The following CTNNA3 variants were observed in gnomAD, a reference collection of about 807,000 sequenced individuals.
CTNNA3 encodes the protein catenin alpha 3, also known as catenin alpha-3.
Under a neutral mutation model 95.7 loss-of-function variants are expected in CTNNA3, and 76 were observed. That is an observed-to-expected ratio of 0.79 (90% confidence interval 0.66 to 0.96). CTNNA3 has a LOEUF of 0.96. Ranked by LOEUF, CTNNA3 falls within the 40% of genes least tolerant of loss-of-function variation. The probability of loss-of-function intolerance (pLI) is 0.00; values close to 1 mark genes in which losing one functional copy is unlikely to be tolerated. For synonymous variants in CTNNA3, 431 were observed against 374.4 expected, an observed-to-expected ratio of 1.15 and a Z score of -1.74; for missense variants, 1,191 against 1,089.8, an observed-to-expected ratio of 1.09 and a Z score of -1.31.
At chr10:67,394,145 G>T (rs1382426398) in intron 5 of CTNNA3, among the ~76,000 whole-genome samples, 1 of 152,044 alleles carries the variant, frequency 6.6e-6, no homozygotes, top group Non-Finnish European at 1.5e-5. Flanking sequence ...ACTCTTTTGT[G>T]TGTGTGATAT....
intron 9 of CTNNA3, among the ~76,000 whole-genome samples, chr10:66,634,498 C>T (rs903692611): frequency 6.6e-6 from 1 of 151,188 alleles, no homozygotes; most frequent in East Asian, 1.9e-4. Context: ...TTATCAATGA[C>T]AAAATCATAC....
At chr10:67,313,431 CA>C (rs547368376) in intron 5 of CTNNA3, among the ~76,000 whole-genome samples, 6,579 of 146,684 alleles carry the variant, frequency 0.045, 203 homozygotes, top group South Asian at 0.098. Flanking sequence ...GAATCCGTCT[CA>C]AAAAAAAAAA....
At chr10:67,761,047 C>G (rs192558293) in intron 1 of CTNNA3, among the ~76,000 whole-genome samples, 1 of 152,150 alleles carries the variant, frequency 6.6e-6, no homozygotes, top group Non-Finnish European at 1.5e-5. Flanking sequence ...AAAAGGTTAG[C>G]GACCACTGGT....
At chr10:66,686,998 T>C (rs963355087) in intron 9 of CTNNA3, among the ~76,000 whole-genome samples, 3 of 152,124 alleles carry the variant, frequency 2.0e-5, no homozygotes, top group African/African-American at 7.2e-5. Context: ...TAAAAAATTT[T>C]AAGCTCAAAG....
In CTNNA3 at chr10:67,219,659, G is replaced by C; in HGVS notation, c.791C>G (p.Thr264Ser). Residue 264 changes from threonine to serine, a missense_variant, in exon 6 of 18, where the codon ACC becomes AGC. By Grantham distance (58) the Thr-to-Ser change is moderately conservative (BLOSUM62 1). Transcript: ENST00000433211. Reference protein sequence around the residue: ...NASQGIQNMTTPPEPQAATLG... With the variant: ...NASQGIQNMTSPPEPQAATLG... Reference sequence around the variant, plus strand: ...GGTTGCTGCCTGAGGTTCTGGTGGGGTTGTCATATTCTGGATCCCTTGTGA... The same window carrying C: ...GGTTGCTGCCTGAGGTTCTGGTGGGCTTGTCATATTCTGGATCCCTTGTGA... The C allele has an allele frequency of 6.2e-7, 1 of 1,614,096 alleles. No individual in the cohort carries two copies. The highest frequency in any genetic ancestry group is 8.5e-7 in the Non-Finnish European group (1 of 1,179,996).
At chr10:67,140,218 A>G (rs1438707035) in intron 7 of CTNNA3, among the ~76,000 whole-genome samples, 1 of 152,204 alleles carries the variant, frequency 6.6e-6, no homozygotes, top group Non-Finnish European at 1.5e-5. Context: ...TAAAATTGGT[A>G]AGTCATCACT....
chr10:67,428,316 T>C (rs1255105223), intron 5 of CTNNA3, among the ~76,000 whole-genome samples: 4 of 152,032 alleles, frequency 2.6e-5, no homozygotes, highest in Non-Finnish European at 5.9e-5. Flanking sequence ...TTTTCTACTA[T>C]AATAATATAC....
At chr10:66,005,064 G>A (rs529939361) in intron 15 of CTNNA3, among the ~76,000 whole-genome samples, 2 of 152,256 alleles carry the variant, frequency 1.3e-5, no homozygotes, top group Non-Finnish European at 2.9e-5. Flanking sequence ...GAAGCTGCCT[G>A]TATTCCTTGG....
At chr10:66,559,488 G>C (rs1842487319) in intron 10 of CTNNA3, among the ~76,000 whole-genome samples, 1 of 151,780 alleles carries the variant, frequency 6.6e-6, no homozygotes, top group South Asian at 2.1e-4. Flanking sequence ...TTAGCATCTA[G>C]TGAGCAGAGG....
intron 7 of CTNNA3, among the ~76,000 whole-genome samples, chr10:67,106,466 C>T (rs913169156): frequency 9.2e-5 from 14 of 152,188 alleles, no homozygotes; most frequent in African/African-American, 3.4e-4. Context: ...GGCTTAATGC[C>T]AAACACTTTA....
In CTNNA3 at chr10:66,965,450, G is replaced by A. The variant is rs10997455; in HGVS notation, c.1048-189926C>T. ...CTCAGGAGGCTGAGGCAGGGGAATC[G>A]CTTGAACTGGGGAGGCAGAGGTTGC... On this transcript the variant is annotated intron_variant, in intron 7 of 17. Coordinates refer to ENST00000433211, the MANE Select transcript of CTNNA3 (RefSeq NM_013266.4). Among the ~76,000 whole-genome samples, 640 of 151,320 alleles carry A rather than the reference G, an allele frequency of 4.2e-3. 38 individuals are homozygous for A. In the East Asian group the frequency reaches 0.11, roughly 25 times the overall value.
chr10:67,040,880 A>G (rs1360446374), intron 7 of CTNNA3, among the ~76,000 whole-genome samples: 3 of 152,160 alleles, frequency 2.0e-5, no homozygotes, highest in Non-Finnish European at 4.4e-5. Flanking sequence ...GACATACACC[A>G]AAGAGACAAA....
chr10:66,007,727 TTTCTTCCTCCCTACCTTCCTTTCC>T (rs2078919389), intron 15 of CTNNA3, among the ~76,000 whole-genome samples: 43 of 69,692 alleles, frequency 6.2e-4, no homozygotes, highest in Admixed American at 9.3e-4. Flanking sequence ...CCTCCCTCCC[TTTCTTCCTCCCTACCTTCCTTTCC>T]CCCTCCCTCC....
At chr10:67,692,340 C>T (rs947223464) in intron 1 of CTNNA3, among the ~76,000 whole-genome samples, 3 of 146,430 alleles carry the variant, frequency 2.0e-5, no homozygotes, top group African/African-American at 5.1e-5. Flanking sequence ...GGATGGTTGC[C>T]GTGTCTGTGT....
chr10:66,904,906 C>T (rs1845917958), intron 7 of CTNNA3, among the ~76,000 whole-genome samples: 1 of 152,124 alleles, frequency 6.6e-6, no homozygotes, highest in South Asian at 2.1e-4. Context: ...AATAGGAACG[C>T]TTTTACACCG....
At chr10:66,733,698 T>A (rs1230217750) in intron 9 of CTNNA3, among the ~76,000 whole-genome samples, 1 of 151,728 alleles carries the variant, frequency 6.6e-6, no homozygotes, top group Non-Finnish European at 1.5e-5. Context: ...TCTAATGAGT[T>A]AGGAAAATGA....
At position 66,691,424 on chromosome 10, in the gene CTNNA3, C is replaced by T. The variant is rs564786204; in HGVS notation, c.1282-69640G>A. Among the ~76,000 whole-genome samples, 98 of 152,288 alleles carry T rather than the reference C, an allele frequency of 6.4e-4. 1 individual carries two copies. Among genetic ancestry groups the T allele is most frequent in the Admixed American group, 2.7e-3 (42 of 15,296 alleles). On this transcript the variant is annotated intron_variant, in intron 9 of 17. Coordinates refer to ENST00000433211, the MANE Select transcript of CTNNA3 (RefSeq NM_013266.4). The stretch of plus-strand genomic sequence containing the variant: ...GCTGGGGGAGGGGCACCCACCATTG[C>T]CCAGGCTTGCTTAGGTAAACAAAGC...
intron 15 of CTNNA3, among the ~76,000 whole-genome samples, chr10:66,066,519 A>G (rs1189609563): frequency 6.6e-6 from 1 of 152,182 alleles, no homozygotes; most frequent in Non-Finnish European, 1.5e-5. Context: ...ACCATGGGCC[A>G]AAACTGAATT....
chr10:66,234,099 C>G (rs1408759143), intron 13 of CTNNA3, among the ~76,000 whole-genome samples: 1 of 152,104 alleles, frequency 6.6e-6, no homozygotes, highest in Non-Finnish European at 1.5e-5. Flanking sequence ...AGGTTAATGA[C>G]TGGGTAGGCA....
Sources: allele counts gnomAD v4.1 joint callset (sites outside exome capture counted in the v4.1 genomes callset), GRCh38; gene constraint gnomAD v4.1.1; transcripts MANE v1.5; gene names NCBI Gene and HGNC (gene_info 2026-07-23, HGNC 2026-07-21).